Variants in PANX1 observed in about 807,000 individuals in gnomAD.
The protein encoded by PANX1 is pannexin 1, also known as pannexin-1.
In PANX1, 30 loss-of-function variants were observed where a neutral mutation model predicts 38.7. That is an observed-to-expected ratio of 0.78 (90% confidence interval 0.58 to 1.05). The LOEUF (loss-of-function observed/expected upper bound fraction) is 1.05, where lower values mean the gene tolerates loss of function less well. PANX1 is among the 50% of genes least tolerant of loss of function. PANX1 has a pLI of 0.00. For synonymous variants in PANX1, 230 were observed against 212.2 expected (o/e 1.08, Z -0.73); for missense variants, 551 against 517.2 (o/e 1.07, Z -0.63).
At chr11:94,157,040 C>G (rs1946957961) in intron 2 of PANX1, among the ~76,000 whole-genome samples, 1 of 152,102 alleles carries the variant, frequency 6.6e-6, no homozygotes, top group Admixed American at 6.5e-5. Context: ...ATCCATGTCC[C>G]TACAAAGGAC....
chr11:94,144,296 G>T lies in PANX1; in HGVS notation c.182-9195G>T, dbSNP rs1946800494. On this transcript the variant is annotated intron_variant, in intron 1 of 4. Coordinates refer to ENST00000227638, the MANE Select transcript of PANX1 (RefSeq NM_015368.4). ...CAAGACCAAGCACATTTCCTCTAGT[G>T]AATGTGTGACCAGTCTGGGGTTGCT... is the stretch of plus-strand genomic sequence containing the variant. 5.3e-5 allele frequency among the ~76,000 whole-genome samples: 8 copies of T among 152,120 alleles called. No individual in the cohort carries two copies. In the South Asian group the frequency reaches 1.7e-3, roughly 32 times the overall value.
chr11:94,142,946 T>G (rs77680451), intron 1 of PANX1, among the ~76,000 whole-genome samples: 3,446 of 152,240 alleles, frequency 0.023, 90 homozygotes, highest in East Asian at 0.067. Context: ...TTTTCTTTTT[T>G]GAGGTTCCTT....
At chr11:94,150,466 G>C (rs1049415212) in intron 1 of PANX1, among the ~76,000 whole-genome samples, 1 of 152,226 alleles carries the variant, frequency 6.6e-6, no homozygotes, top group Non-Finnish European at 1.5e-5. Flanking sequence ...TTATCTTGAA[G>C]AGTAAATGAG....
intron 2 of PANX1, among the ~76,000 whole-genome samples, chr11:94,159,144 G>T (rs192367177): frequency 2.0e-5 from 3 of 152,092 alleles, no homozygotes. Flanking sequence ...TGCTGGATTC[G>T]GTTTGCCAGT....
intron 1 of PANX1, among the ~76,000 whole-genome samples, chr11:94,138,728 C>G (rs1431485239): frequency 6.6e-6 from 1 of 152,186 alleles, no homozygotes; most frequent in African/African-American, 2.4e-5. Context: ...ATTGTGCCAT[C>G]AAATACTGGA....
At chr11:94,142,336 A>T (rs1463758484) in intron 1 of PANX1, among the ~76,000 whole-genome samples, 1 of 152,106 alleles carries the variant, frequency 6.6e-6, no homozygotes, top group Non-Finnish European at 1.5e-5. Flanking sequence ...ACCACTGGGG[A>T]CTTGAAAACA....
chr11:94,153,463 A>G, intron 1 of PANX1, 28 bp from the exon 2 acceptor site: 1 of 1,611,908 alleles, frequency 6.2e-7, no homozygotes, highest in Non-Finnish European at 8.5e-7. Context: ...CTGTGTTTTC[A>G]TTGGAAACTA....
intron 1 of PANX1, among the ~76,000 whole-genome samples, chr11:94,129,826 C>T (rs1198393854): frequency 6.6e-6 from 1 of 151,288 alleles, no homozygotes; most frequent in Non-Finnish European, 1.5e-5. Flanking sequence ...TTTTTCACCC[C>T]TGTCTCCTAC....
In PANX1 at chr11:94,135,557, T is replaced by C. The variant is rs529864206; in HGVS notation, c.181+6064T>C. On this transcript the variant is annotated intron_variant, in intron 1 of 4. Transcript: ENST00000227638. ...GAGTGGGCCAATATTTAGGGTCTCA[T>C]GGCATAGGTCCTATAATAGAACATC... is the stretch of plus-strand genomic sequence containing the variant. Among the ~76,000 whole-genome samples the C allele has an allele frequency of 2.6e-5, 4 of 152,332 alleles. 1 individual carries two copies. In the South Asian group the frequency reaches 8.3e-4, roughly 32 times the overall value.
chr11:94,141,980 C>T (rs1164806834), intron 1 of PANX1, among the ~76,000 whole-genome samples: 1 of 152,176 alleles, frequency 6.6e-6, no homozygotes, highest in Non-Finnish European at 1.5e-5. Context: ...CAGGTGACGA[C>T]CTGGGGCTGC....
In PANX1 at chr11:94,129,499, C is replaced by A. The variant is rs539844723; in HGVS notation, c.181+6C>A. 1 of 1,604,520 alleles carries A rather than the reference C, an allele frequency of 6.2e-7. No individual in the cohort carries two copies. Among genetic ancestry groups the A allele is most frequent in the Non-Finnish European group, 8.5e-7 (1 of 1,173,812 alleles). On this transcript the variant is annotated splice_donor_region_variant and intron_variant, in intron 1 of 4. Coordinates refer to ENST00000227638, the MANE Select transcript of PANX1 (RefSeq NM_015368.4). ...CGCGCAGGAGATCTCGATTGGTAAG[C>A]CTCGCCCAGGACGGAGGGGAGTGGC...
chr11:94,179,782 C>CGTCT lies in PANX1; in HGVS notation c.727_728insTCTG (p.Glu243ValfsTer2). ...ACTTCAGCCTCTCCTCACTCTCAGA[C>CGTCT]GAGTTTGTGTGCAGCATCAAATCAG... On this transcript the variant is annotated frameshift_variant, in exon 4 of 5. Transcript: ENST00000227638. LOFTEE classifies it high-confidence loss of function. The CGTCT allele has an allele frequency of 6.2e-7, 1 of 1,614,116 alleles. No individual in the cohort carries two copies. Among genetic ancestry groups the CGTCT allele is most frequent in the Non-Finnish European group, 8.5e-7 (1 of 1,179,996 alleles).
chr11:94,150,663 G>T (rs1946873186), intron 1 of PANX1, among the ~76,000 whole-genome samples: 1 of 151,926 alleles, frequency 6.6e-6, no homozygotes, highest in Non-Finnish European at 1.5e-5. Context: ...CTCCTGCTTT[G>T]CCCCCCTCTT....
chr11:94,143,148 A>T (rs1021020979), intron 1 of PANX1, among the ~76,000 whole-genome samples: 2 of 152,248 alleles, frequency 1.3e-5, no homozygotes, highest in Admixed American at 1.3e-4. Flanking sequence ...GCCTTGTCCT[A>T]CACAAAAGGG....
chr11:94,141,616 C>T (rs1412465873), intron 1 of PANX1, among the ~76,000 whole-genome samples: 4 of 151,908 alleles, frequency 2.6e-5, no homozygotes, highest in African/African-American at 4.8e-5. Context: ...TTTCAAAAAA[C>T]CCTAGTTGTT....
chr11:94,155,164 A>G (rs944119058), intron 2 of PANX1, among the ~76,000 whole-genome samples: 3 of 152,322 alleles, frequency 2.0e-5, no homozygotes, highest in East Asian at 3.9e-4. Flanking sequence ...CAGCCTGGCC[A>G]ACATGGTGAA....
At chr11:94,135,903 C>G (rs1253109849) in intron 1 of PANX1, among the ~76,000 whole-genome samples, 1 of 152,162 alleles carries the variant, frequency 6.6e-6, no homozygotes, top group Admixed American at 6.5e-5. Context: ...GTTTGGAGAG[C>G]TTTCCGTGCC....
intron 1 of PANX1, among the ~76,000 whole-genome samples, chr11:94,151,113 A>G (rs1472961828): frequency 1.3e-5 from 2 of 152,204 alleles, no homozygotes; most frequent in African/African-American, 2.4e-5. Flanking sequence ...AAATGAGGTA[A>G]TGATTTAAAG....
chr11:94,141,600 T>A (rs1946762488), intron 1 of PANX1, among the ~76,000 whole-genome samples: 1 of 152,242 alleles, frequency 6.6e-6, no homozygotes, highest in South Asian at 2.1e-4. Flanking sequence ...TAAGCTAAAA[T>A]GTTTTTTTCA....
Sources: allele counts gnomAD v4.1 joint callset (sites outside exome capture counted in the v4.1 genomes callset), GRCh38; gene constraint gnomAD v4.1.1; transcripts MANE v1.5; gene names NCBI Gene and HGNC (gene_info 2026-07-23, HGNC 2026-07-21).